PPP2R3B: variants seen among roughly 807,000 people sequenced by gnomAD.
The protein encoded by PPP2R3B is protein phosphatase 2 regulatory subunit B''beta, also known as serine/threonine-protein phosphatase 2A regulatory subunit B'' subunit beta.
Under a neutral mutation model 72.9 loss-of-function variants are expected in PPP2R3B, and 68 were observed. That is an observed-to-expected ratio of 0.93 (90% CI 0.77 to 1.14). The LOEUF is 1.14. Ranked by LOEUF, PPP2R3B falls within the 50% of genes most tolerant of loss-of-function variation. PPP2R3B has a pLI of 0.00. For missense variants in PPP2R3B, 1,018 were observed against 842.0 expected (o/e 1.21, Z -2.59); for synonymous variants, 466 against 375.8 (o/e 1.24, Z -2.78).
chrX:339,154 G>A (rs2070983103), intron 10 of PPP2R3B, among the ~76,000 whole-genome samples: 1 of 151,754 alleles, frequency 6.6e-6, no homozygotes, highest in South Asian at 2.1e-4. Flanking sequence ...ACTAGCGCAG[G>A]GAGGCGCGGC....
At chrX:346,625 A>G in intron 5 of PPP2R3B, 76 bp downstream of exon 5, 1 of 1,411,254 alleles carries the variant, frequency 7.1e-7, no homozygotes, top group East Asian at 2.5e-5. Flanking sequence ...CCCCGTCCGC[A>G]GAAGCCCCGC....
intron 12 of PPP2R3B, chrX:338,298 C>T (rs1020360373): frequency 2.3e-4 from 125 of 539,812 alleles, no homozygotes; most frequent in Non-Finnish European, 3.6e-4. Context: ...GGACAGACGT[C>T]GTTGGCGAAA....
chrX:344,864 G>C, intron 7 of PPP2R3B: 1 of 317,072 alleles, frequency 3.2e-6, no homozygotes, highest in East Asian at 8.4e-5. Flanking sequence ...CGTATTATGA[G>C]TCGACCACAC....
intron 1 of PPP2R3B, 49 bp downstream of exon 1, chrX:386,319 G>A: frequency 7.8e-7 from 1 of 1,283,424 alleles, no homozygotes; most frequent in Middle Eastern, 2.7e-4. Context: ...CGCCCACTAT[G>A]CGACCAGAGC....
chrX:374,720 T>A (rs1250954014), intron 1 of PPP2R3B, among the ~76,000 whole-genome samples: 1 of 152,150 alleles, frequency 6.6e-6, no homozygotes, highest in Non-Finnish European at 1.5e-5. Context: ...ACCGCCTGCA[T>A]CTGTTACAGT....
rs753394691 is a variant in PPP2R3B, at chrX:341,878, C to G, written c.1085+5G>C. ...GCTGCCGTCAGGCGCCTGAGCCGTA[C>G]GTACCGTGTGACTGCTCCTGAGAAG... On this transcript the variant is annotated splice_donor_5th_base_variant and intron_variant, in intron 8 of 12. Transcript: ENST00000390665. 2 of 1,612,520 alleles carry G rather than the reference C, an allele frequency of 1.2e-6. No homozygotes were observed. The highest frequency in any genetic ancestry group is 2.2e-5 in the East Asian group (1 of 44,900).
chrX:370,993 G>A (rs942299368), intron 1 of PPP2R3B, among the ~76,000 whole-genome samples: 1 of 152,196 alleles, frequency 6.6e-6, no homozygotes, highest in Non-Finnish European at 1.5e-5. Flanking sequence ...AGGGGCGTCT[G>A]TGTGCTGAGT....
Position 384,372 on chromosome X carries a change from C to A in PPP2R3B, c.324+1996G>T, listed in dbSNP as rs925261289. On this transcript the variant is annotated intron_variant, in intron 1 of 12. Transcript: ENST00000390665. ...TGAGCAGTGGTGCAATCTCAGCTCA[C>A]AGTAATCTCCGACTCCCAGCTTCAA... is the stretch of plus-strand genomic sequence containing the variant. 2.7e-5 allele frequency among the ~76,000 whole-genome samples: 4 copies of A among 150,930 alleles called. No homozygotes were observed. In the South Asian group the frequency reaches 8.3e-4, roughly 31 times the overall value.
chrX:362,666 G>C, intron 1 of PPP2R3B, among the ~76,000 whole-genome samples: 1 of 152,070 alleles, frequency 6.6e-6, no homozygotes, highest in Non-Finnish European at 1.5e-5. Flanking sequence ...AGGGGTCCAG[G>C]GAGGAAGTCC....
chrX:341,128 AGCCCCCACCAGGCGTGCACATG>A (rs2071060805), intron 9 of PPP2R3B, among the ~76,000 whole-genome samples, 157 bp downstream of exon 9: 2 of 9,282 alleles, frequency 2.2e-4, no homozygotes, highest in South Asian at 3.6e-3. Context: ...TGTGCCGTGC[AGCCCCCACCAGGCGTGCACATG>A]TCCCCCTGTG....
At chrX:381,504 C>T (rs2072123023) in intron 1 of PPP2R3B, among the ~76,000 whole-genome samples, 1 of 152,032 alleles carries the variant, frequency 6.6e-6, no homozygotes, top group Admixed American at 6.6e-5. Flanking sequence ...CGCCCCTCCC[C>T]AGCCAGAGTT....
intron 1 of PPP2R3B, among the ~76,000 whole-genome samples, chrX:385,707 A>C (rs1362249363): frequency 6.6e-6 from 1 of 152,150 alleles, no homozygotes; most frequent in Admixed American, 6.6e-5. Context: ...AGGCTGAGGC[A>C]GGAAGTCCAA....
At chrX:351,318 G>A (rs1354539853) in intron 2 of PPP2R3B, among the ~76,000 whole-genome samples, 1 of 152,142 alleles carries the variant, frequency 6.6e-6, no homozygotes, top group Non-Finnish European at 1.5e-5. Context: ...AGACCATTCT[G>A]GCTCACAGGC....
At chrX:348,366 A>AG (rs1192859627) in intron 2 of PPP2R3B, among the ~76,000 whole-genome samples, 4 of 152,124 alleles carry the variant, frequency 2.6e-5, no homozygotes, top group Non-Finnish European at 2.9e-5. Context: ...ACCTGAGGTC[A>AG]GGAGTTCGAG....
intron 1 of PPP2R3B, among the ~76,000 whole-genome samples, chrX:374,945 T>C (rs1171001734): frequency 6.6e-6 from 1 of 152,080 alleles, no homozygotes; most frequent in Non-Finnish European, 1.5e-5. Flanking sequence ...CCTGTCTCCA[T>C]CGTTTTCCTT....
At chrX:345,064 C>T (rs2071167663) in intron 7 of PPP2R3B, 1 of 410,864 alleles carries the variant, frequency 2.4e-6, no homozygotes, top group Non-Finnish European at 4.8e-6. Flanking sequence ...CTGGGCGGCA[C>T]CGGCTCCCGC....
At chrX:338,574 T>C in intron 12 of PPP2R3B, 30 bp downstream of exon 12, 1 of 1,445,820 alleles carries the variant, frequency 6.9e-7, no homozygotes, top group South Asian at 1.2e-5. Flanking sequence ...CACTGACCCG[T>C]CCCCCCACTC....
At chrX:376,876 T>C in intron 1 of PPP2R3B, among the ~76,000 whole-genome samples, 1 of 105,244 alleles carries the variant, frequency 9.5e-6, no homozygotes, top group Non-Finnish European at 2.1e-5. Context: ...CACTACTGTA[T>C]GCAGGGACGG....
rs375591040 is a variant in PPP2R3B at position 341,545 on chromosome X, G to C, written c.1086-149C>G. 1,391 of 786,958 alleles carry C rather than the reference G, an allele frequency of 1.8e-3. 28 individuals carry two copies. In the East Asian group the frequency reaches 0.032, roughly 18 times the overall value. The allele number at this position is 786,958 out of a possible 1,614,324, so 48.7% of individuals were successfully genotyped here. A position where few individuals can be genotyped will look rare whatever the true frequency, so the allele number is the denominator to read the frequency against. On this transcript the variant is annotated intron_variant, in intron 8 of 12. Transcript: ENST00000390665. ...CTCCTGCCCCTCCTCCTGCCTCTCC[G>C]GGGAGGAGGTGGAGGCCCCGTGGCC...
Sources: allele counts gnomAD v4.1 joint callset (sites outside exome capture counted in the v4.1 genomes callset), GRCh38; gene constraint gnomAD v4.1.1; transcripts MANE v1.5; gene names NCBI Gene and HGNC (gene_info 2026-07-23, HGNC 2026-07-21).